OSBPL1A: variants seen among roughly 807,000 people sequenced by gnomAD.
OSBPL1A encodes the protein oxysterol binding protein like 1A, also known as oxysterol-binding protein-related protein 1.
OSBPL1A carries 80 observed loss-of-function variants against 137.1 expected under a neutral mutation model. That is an observed-to-expected ratio of 0.58 (90% confidence interval 0.49 to 0.70). The LOEUF is 0.70. Among genes scored for constraint, OSBPL1A ranks in the 30% least tolerant of loss-of-function variants. The pLI is 0.00. For synonymous variants in OSBPL1A, 365 were observed against 389.7 expected (o/e 0.94, Z 0.75); for missense variants, 970 against 1,129.4 (o/e 0.86, Z 2.02).
chr18:24,318,019 C>T (rs2090767908), intron 9 of OSBPL1A, among the ~76,000 whole-genome samples: 1 of 151,850 alleles, frequency 6.6e-6, no homozygotes, highest in Middle Eastern at 3.4e-3. Flanking sequence ...ATGTATTTTC[C>T]CCCCACTCCT....
chr18:24,168,308 T>TTA (rs2086191245), intron 24 of OSBPL1A, among the ~76,000 whole-genome samples: 1 of 152,094 alleles, frequency 6.6e-6, no homozygotes, highest in African/African-American at 2.4e-5. Flanking sequence ...CTACCTGACT[T>TTA]TCGTGGAGCT....
chr18:24,361,813 G>A (rs2091624432), intron 4 of OSBPL1A, among the ~76,000 whole-genome samples: 1 of 151,898 alleles, frequency 6.6e-6, no homozygotes, highest in Non-Finnish European at 1.5e-5. Flanking sequence ...GACCAGCCTG[G>A]CCAACCAACA....
intron 15 of OSBPL1A, among the ~76,000 whole-genome samples, chr18:24,279,169 C>T (rs1285344642): frequency 6.7e-6 from 1 of 150,254 alleles, no homozygotes; most frequent in African/African-American, 2.5e-5. Flanking sequence ...AATCCCAGCA[C>T]TTTGGGAGGC....
intron 5 of OSBPL1A, among the ~76,000 whole-genome samples, chr18:24,340,828 C>A (rs1184616436): frequency 6.6e-6 from 1 of 152,114 alleles, no homozygotes; most frequent in African/African-American, 2.4e-5. Context: ...AAGTGACTCC[C>A]AAAAGCAACA....
intron 2 of OSBPL1A, 148 bp downstream of exon 2, chr18:24,377,265 G>A (rs1404907649): frequency 1.0e-6 from 1 of 957,222 alleles, no homozygotes; most frequent in Non-Finnish European, 1.5e-6. Context: ...AGGGGGCTAG[G>A]AGAGACATTT....
At chr18:24,225,405 C>A (rs1228397605) in intron 16 of OSBPL1A, among the ~76,000 whole-genome samples, 2 of 152,186 alleles carry the variant, frequency 1.3e-5, no homozygotes, top group Non-Finnish European at 2.9e-5. Flanking sequence ...CAGAGGTACA[C>A]TTACATAAGC....
chr18:24,350,451 C>CT, intron 4 of OSBPL1A, among the ~76,000 whole-genome samples: 1 of 152,104 alleles, frequency 6.6e-6, no homozygotes, highest in African/African-American at 2.4e-5. Flanking sequence ...ATCTGTCATT[C>CT]TTTTTTTAGG....
intron 3 of OSBPL1A, among the ~76,000 whole-genome samples, 167 bp from the exon 4 acceptor site, chr18:24,367,133 G>C (rs760933454): frequency 8.4e-4 from 127 of 151,946 alleles, no homozygotes; most frequent in Admixed American, 1.6e-3. Flanking sequence ...ACGGTGGTTT[G>C]AGCCCATAGT....
intron 7 of OSBPL1A, among the ~76,000 whole-genome samples, chr18:24,332,492 T>C (rs1373113725): frequency 1.3e-5 from 2 of 149,528 alleles, no homozygotes. Flanking sequence ...TGAAGAAAAC[T>C]TTACTCAAGA....
At chr18:24,381,618 T>A (rs938425751) in intron 1 of OSBPL1A, among the ~76,000 whole-genome samples, 11 of 152,172 alleles carry the variant, frequency 7.2e-5, no homozygotes, top group East Asian at 1.9e-4. Context: ...CTAATATTTT[T>A]AAAATGTTAG....
At chr18:24,389,710 G>T (rs1907189658) in intron 1 of OSBPL1A, among the ~76,000 whole-genome samples, 1 of 152,146 alleles carries the variant, frequency 6.6e-6, no homozygotes, top group African/African-American at 2.4e-5. Flanking sequence ...GGAGGCCAGG[G>T]AGGGCAGATC....
In OSBPL1A at chr18:24,255,503, T is replaced by C. The variant is rs144899492; in HGVS notation, c.1282-16121A>G. Among the ~76,000 whole-genome samples, 4 of 152,250 alleles carry C rather than the reference T, an allele frequency of 2.6e-5. No individual in the cohort carries two copies. The East Asian group carries it at 7.7e-4, about 29-fold the overall frequency. ...GATAAATGCATAATTGATTGTCTCCTTTGGAGAGGCTAATCACAAACTCAA... is the reference window on the plus strand; with the variant it reads ...GATAAATGCATAATTGATTGTCTCCCTTGGAGAGGCTAATCACAAACTCAA... On this transcript the variant is annotated intron_variant, in intron 15 of 27. Transcript: ENST00000319481.
chr18:24,253,172 G>C (rs1252657082), intron 15 of OSBPL1A, among the ~76,000 whole-genome samples: 4 of 140,190 alleles, frequency 2.9e-5, no homozygotes, highest in African/African-American at 1.0e-4. Flanking sequence ...CATGGCGGGG[G>C]GGGGCGCTGA....
At chr18:24,322,016 G>T (rs1317854709) in intron 7 of OSBPL1A, among the ~76,000 whole-genome samples, 1 of 151,996 alleles carries the variant, frequency 6.6e-6, no homozygotes, top group East Asian at 1.9e-4. Flanking sequence ...CAAAGAGATG[G>T]CAATAGTGCA....
At chr18:24,356,316 G>A (rs2146179112) in intron 4 of OSBPL1A, among the ~76,000 whole-genome samples, 1 of 152,300 alleles carries the variant, frequency 6.6e-6, no homozygotes, top group African/African-American at 2.4e-5. Flanking sequence ...GAACTGTCGT[G>A]AATTCCCCCG....
At chr18:24,284,525 C>T (rs557289309) in intron 14 of OSBPL1A, among the ~76,000 whole-genome samples, 3 of 152,178 alleles carry the variant, frequency 2.0e-5, no homozygotes, top group African/African-American at 7.2e-5. Flanking sequence ...TTACGCTGAA[C>T]AATTTTTAAT....
chr18:24,221,933 T>C (rs1001899795), intron 17 of OSBPL1A, among the ~76,000 whole-genome samples: 5 of 152,218 alleles, frequency 3.3e-5, no homozygotes, highest in African/African-American at 1.2e-4. Flanking sequence ...GCTGATTTTG[T>C]ATATGGCAGC....
chr18:24,221,178 T>C lies in OSBPL1A; in HGVS notation c.1601+3864A>G, dbSNP rs1248915942. On this transcript the variant is annotated intron_variant, in intron 17 of 27. Transcript: ENST00000319481. ...TTTACCACTAACAACATTTTCTCAA[T>C]ATAATCTTACTTCCTGGAAGGTATT... is the stretch of plus-strand genomic sequence containing the variant. Among the ~76,000 whole-genome samples the C allele has an allele frequency of 2.0e-5, 3 of 152,266 alleles. No homozygotes were observed. The East Asian group carries it at 5.8e-4, about 29-fold the overall frequency.
intron 1 of OSBPL1A, among the ~76,000 whole-genome samples, chr18:24,381,180 G>A (rs1906567818): frequency 6.6e-6 from 1 of 152,160 alleles, no homozygotes; most frequent in Admixed American, 6.5e-5. Flanking sequence ...AATACAGCAA[G>A]GACAAGTGGG....
Sources: gnomAD v4.1 joint callset for allele counts (sites outside exome capture counted in the v4.1 genomes callset) on GRCh38, gnomAD v4.1.1 for gene constraint, MANE v1.5 for transcripts, NCBI Gene and HGNC (gene_info 2026-07-23, HGNC 2026-07-21) for gene names.